Variants in DPP6 observed in about 807,000 individuals in gnomAD.
DPP6 encodes A-type potassium channel modulatory protein DPP6.
A neutral mutation model predicts 122.6 loss-of-function variants in DPP6; 69 were observed. That is an observed-to-expected ratio of 0.56 (90% CI 0.46 to 0.69). DPP6 has a LOEUF of 0.69. DPP6 is among the 30% of genes least tolerant of loss of function. The pLI is 0.00. For synonymous variants in DPP6, 418 were observed against 433.1 expected, an observed-to-expected ratio of 0.97 and a Z score of 0.43; for missense variants, 928 against 1,116.9, an observed-to-expected ratio of 0.83 and a Z score of 2.41.
chr7:153,975,694 A>G (rs549677124), intron 1 of DPP6, among the ~76,000 whole-genome samples: 147 of 152,340 alleles, frequency 9.6e-4, no homozygotes, highest in Middle Eastern at 3.4e-3. Flanking sequence ...TAAAACATGA[A>G]CTGGAAGTCA....
In DPP6 at chr7:154,193,127, TTCA is replaced by T. The variant is rs1297179646; in HGVS notation, c.243+140066_243+140068del. On this transcript the variant is annotated intron_variant, in intron 1 of 25. Transcript: ENST00000377770. ...TCTCTCTCAGTTCCAGCAGTCCTGGTTCATGGCTATTTACATGCAAATGTCAAC... is the reference window on the plus strand; with the variant it reads ...TCTCTCTCAGTTCCAGCAGTCCTGGTTGGCTATTTACATGCAAATGTCAAC... Among the ~76,000 whole-genome samples the T allele has an allele frequency of 3.9e-5, 6 of 152,240 alleles. No homozygotes were observed. The East Asian group carries it at 1.2e-3, about 29-fold the overall frequency.
At chr7:153,988,964 A>G (rs1051524066) in intron 1 of DPP6, among the ~76,000 whole-genome samples, 1 of 149,514 alleles carries the variant, frequency 6.7e-6, no homozygotes, top group Admixed American at 6.7e-5. Flanking sequence ...TTACACGGGG[A>G]TTTCTCCGCG....
chr7:153,772,381 G>A, the DPP6 span, among the ~76,000 whole-genome samples: 174 of 152,238 alleles, frequency 1.1e-3, no homozygotes, highest in Middle Eastern at 3.4e-3. Flanking sequence ...ACCACGCCCC[G>A]CTGGGAGAAT....
chr7:153,844,756 T>C, the DPP6 span, among the ~76,000 whole-genome samples: 1 of 152,236 alleles, frequency 6.6e-6, no homozygotes. Flanking sequence ...ATTAATGCAC[T>C]TTTTAAATAT....
intron 1 of DPP6, among the ~76,000 whole-genome samples, chr7:153,952,245 A>C (rs1391195718): frequency 6.6e-6 from 1 of 152,144 alleles, no homozygotes; most frequent in South Asian, 2.1e-4. Context: ...ATCAAAAGCA[A>C]TTTTCTACCA....
At chr7:154,774,023 T>C (rs1317199028) in intron 10 of DPP6, among the ~76,000 whole-genome samples, 1 of 152,210 alleles carries the variant, frequency 6.6e-6, no homozygotes, top group Non-Finnish European at 1.5e-5. Context: ...GTGAAACTTA[T>C]AATGTTGTAA....
the DPP6 span, among the ~76,000 whole-genome samples, chr7:153,784,378 T>G: frequency 1.1e-3 from 164 of 152,366 alleles, no homozygotes; most frequent in Middle Eastern, 3.4e-3. Flanking sequence ...ATATTATTTT[T>G]TAACTTTTAG....
At chr7:154,230,321 C>T (rs985087453) in intron 1 of DPP6, among the ~76,000 whole-genome samples, 3 of 152,254 alleles carry the variant, frequency 2.0e-5, no homozygotes, top group African/African-American at 7.2e-5. Flanking sequence ...AACTATTTCT[C>T]AGTTCTTAAA....
rs1272741795 is a variant in DPP6, at chr7:154,879,584, G to A, written c.2079-1304G>A. Among the ~76,000 whole-genome samples, 20 of 65,714 alleles carry A rather than the reference G, an allele frequency of 3.0e-4. 3 individuals carry two copies. The East Asian group carries it at 0.017, about 56-fold the overall frequency. 43.1% of individuals were successfully genotyped at this position (65,714 alleles called of 152,430 possible). A position where few individuals can be genotyped will look rare whatever the true frequency, so the allele number is the denominator to read the frequency against. ...CCAGCCTGGGCGACAGCGAGACTCC[G>A]TCTCAAAAAAAAAAAAAAAAAAAAA... On this transcript the variant is annotated intron_variant, in intron 20 of 25. Transcript: ENST00000377770.
At chr7:154,854,661 G>A (rs76350551) in intron 17 of DPP6, among the ~76,000 whole-genome samples, 2,173 of 152,328 alleles carry the variant, frequency 0.014, 55 homozygotes, top group African/African-American at 0.05. Flanking sequence ...CCTCACTCAA[G>A]TTTGGTCAAG....
intron 1 of DPP6, among the ~76,000 whole-genome samples, chr7:154,093,489 A>C (rs1805038134): frequency 1.7e-5 from 2 of 118,428 alleles, no homozygotes; most frequent in African/African-American, 3.3e-5. Flanking sequence ...ACCACACACA[A>C]ACCACACACA....
intron 1 of DPP6, among the ~76,000 whole-genome samples, chr7:153,994,424 T>C (rs1006824217): frequency 6.6e-6 from 1 of 151,726 alleles, no homozygotes; most frequent in Non-Finnish European, 1.5e-5. Context: ...AAATCATTTT[T>C]CATATCCAAT....
intron 1 of DPP6, among the ~76,000 whole-genome samples, chr7:154,099,036 AC>A (rs1805541755): frequency 6.6e-6 from 1 of 152,210 alleles, no homozygotes; most frequent in South Asian, 2.1e-4. Context: ...GATGCAGTGG[AC>A]AGATTTATGA....
chr7:154,220,711 T>C (rs1235258151), intron 1 of DPP6, among the ~76,000 whole-genome samples: 1 of 152,214 alleles, frequency 6.6e-6, no homozygotes, highest in African/African-American at 2.4e-5. Context: ...AATACATTCC[T>C]GTTTTTTCTA....
At chr7:154,352,005 C>T (rs2151081302) in intron 1 of DPP6, among the ~76,000 whole-genome samples, 1 of 152,236 alleles carries the variant, frequency 6.6e-6, no homozygotes, top group East Asian at 1.9e-4. Flanking sequence ...CAATGCCTTC[C>T]TGTCCTCCTG....
At chr7:154,139,827 G>T (rs1386332112) in intron 1 of DPP6, among the ~76,000 whole-genome samples, 1 of 152,158 alleles carries the variant, frequency 6.6e-6, no homozygotes, top group African/African-American at 2.4e-5. Flanking sequence ...AGTCTCTTTT[G>T]CATTTCTTTC....
chr7:154,593,171 CTACCAACGACCGTATT>C (rs1416701879), intron 5 of DPP6, among the ~76,000 whole-genome samples: 1 of 152,204 alleles, frequency 6.6e-6, no homozygotes, highest in African/African-American at 2.4e-5. Context: ...CAGCATTGCC[CTACCAACGACCGTATT>C]TACATCAGGC....
chr7:154,095,932 C>T (rs544315067), intron 1 of DPP6: 1 of 137,684 alleles, frequency 7.3e-6, no homozygotes, highest in African/African-American at 2.7e-5. Flanking sequence ...ATCCCTTTCA[C>T]TCTGGGAGCT....
intron 6 of DPP6, among the ~76,000 whole-genome samples, chr7:154,649,298 G>A (rs1184785027): frequency 6.6e-6 from 1 of 152,196 alleles, no homozygotes; most frequent in East Asian, 1.9e-4. Flanking sequence ...ATTGATATTT[G>A]AGTGTTTCTA....
Sources: allele counts gnomAD v4.1 joint callset (sites outside exome capture counted in the v4.1 genomes callset), GRCh38; gene constraint gnomAD v4.1.1; transcripts MANE v1.5; gene names NCBI Gene and HGNC (gene_info 2026-07-23, HGNC 2026-07-21).